MARCHF8: variants seen among roughly 807,000 people sequenced by gnomAD.
MARCHF8 encodes E3 ubiquitin-protein ligase MARCHF8.
Under a neutral mutation model 51.6 loss-of-function variants are expected in MARCHF8, and 40 were observed. The observed-to-expected ratio is 0.77, with a 90% CI of 0.60 to 1.01. The LOEUF (loss-of-function observed/expected upper bound fraction) is 1.01, where lower values mean the gene tolerates loss of function less well. Ranked by LOEUF, MARCHF8 falls within the 50% of genes least tolerant of loss-of-function variation. The pLI is 0.00. For missense variants in MARCHF8, 685 were observed against 708.6 expected, an observed-to-expected ratio of 0.97 and a Z score of 0.38; for synonymous variants, 263 against 280.3, an observed-to-expected ratio of 0.94 and a Z score of 0.62.
At chr10:45,522,613 C>T (rs1341131690) in intron 2 of MARCHF8, among the ~76,000 whole-genome samples, 1 of 152,128 alleles carries the variant, frequency 6.6e-6, no homozygotes, top group East Asian at 1.9e-4. Context: ...AACTCAAAAC[C>T]AAAGCCCTGA....
chr10:45,529,185 G>C (rs2043838636), intron 2 of MARCHF8, among the ~76,000 whole-genome samples: 1 of 152,110 alleles, frequency 6.6e-6, no homozygotes, highest in African/African-American at 2.4e-5. Context: ...CTTCTTCAAA[G>C]TCAACAAAAA....
At chr10:45,591,105 C>T (rs1052723931) in intron 1 of MARCHF8, among the ~76,000 whole-genome samples, 2 of 152,180 alleles carry the variant, frequency 1.3e-5, no homozygotes, top group Non-Finnish European at 2.9e-5. Flanking sequence ...AACTCCACCA[C>T]CTTATAGGTG....
chr10:45,560,553 T>C (rs1293131231), intron 1 of MARCHF8, among the ~76,000 whole-genome samples: 1 of 152,198 alleles, frequency 6.6e-6, no homozygotes, highest in African/African-American at 2.4e-5. Context: ...CAGTGCCAGC[T>C]TGTCAAGGCC....
At chr10:45,493,302 A>G (rs2043117965) in intron 2 of MARCHF8, among the ~76,000 whole-genome samples, 3 of 152,346 alleles carry the variant, frequency 2.0e-5, no homozygotes, top group South Asian at 2.1e-4. Context: ...TCAATGCCCA[A>G]GTAATAAAAA....
intron 1 of MARCHF8, among the ~76,000 whole-genome samples, chr10:45,554,871 G>A (rs1417646156): frequency 6.6e-6 from 1 of 151,954 alleles, no homozygotes; most frequent in African/African-American, 2.4e-5. Context: ...CCTGGCCGAT[G>A]TGATAAAACC....
intron 2 of MARCHF8, among the ~76,000 whole-genome samples, chr10:45,531,763 T>C (rs763661416): frequency 2.6e-5 from 4 of 152,208 alleles, no homozygotes; most frequent in Non-Finnish European, 5.9e-5. Flanking sequence ...TATTTGAGTC[T>C]AGGTAAAATG....
intron 2 of MARCHF8, among the ~76,000 whole-genome samples, chr10:45,517,399 T>A (rs931915537): frequency 6.6e-6 from 1 of 152,216 alleles, no homozygotes; most frequent in African/African-American, 2.4e-5. Context: ...GGAGGTCGAC[T>A]GGATCATGGG....
intron 3 of MARCHF8, among the ~76,000 whole-genome samples, chr10:45,470,500 G>A (rs1843137694): frequency 6.6e-6 from 1 of 152,160 alleles, no homozygotes; most frequent in Admixed American, 6.5e-5. Context: ...CATTGGGCCT[G>A]TATTTATAAC....
intron 2 of MARCHF8, among the ~76,000 whole-genome samples, chr10:45,498,430 T>C (rs1229411631): frequency 6.6e-6 from 1 of 152,232 alleles, no homozygotes; most frequent in Non-Finnish European, 1.5e-5. Context: ...ATTAGCTCAC[T>C]TCACTTGGCA....
At chr10:45,537,819 G>A (rs985635616), upstream of MARCHF8, among the ~76,000 whole-genome samples, 4 of 152,216 alleles carry the variant, frequency 2.6e-5, no homozygotes, top group Admixed American at 6.5e-5. Flanking sequence ...GTAAACGGGA[G>A]GAAGCAGTGG....
intron 6 of MARCHF8, 96 bp from the exon 7 acceptor site, chr10:45,459,363 C>A: frequency 6.7e-6 from 9 of 1,343,792 alleles, no homozygotes; most frequent in South Asian, 1.4e-5. Flanking sequence ...CTTTCCACCC[C>A]ACTTCTCCCT....
At chr10:45,537,560 G>C (rs1157353337), upstream of MARCHF8, among the ~76,000 whole-genome samples, 1 of 152,014 alleles carries the variant, frequency 6.6e-6, no homozygotes, top group Non-Finnish European at 1.5e-5. Context: ...GGCTGAGTTG[G>C]GAGGATCGCT....
intron 2 of MARCHF8, among the ~76,000 whole-genome samples, chr10:45,517,796 T>C (rs1198968222): frequency 6.6e-6 from 1 of 152,232 alleles, no homozygotes; most frequent in Non-Finnish European, 1.5e-5. Flanking sequence ...CTTGTATACC[T>C]TCATGAAAGT....
At chr10:45,487,217 G>A (rs777646464) in intron 3 of MARCHF8, among the ~76,000 whole-genome samples, 39 of 152,090 alleles carry the variant, frequency 2.6e-4, no homozygotes, top group Non-Finnish European at 4.3e-4. Context: ...CCCTTACAAA[G>A]CTCAAAATAC....
chr10:45,458,598 A>T (rs1047185327), intron 7 of MARCHF8, 55 bp from the exon 8 acceptor site: 3 of 1,485,190 alleles, frequency 2.0e-6, no homozygotes, highest in Non-Finnish European at 2.7e-6. Context: ...AAGTAAAGAA[A>T]AACACAACTT....
chr10:45,517,435 A>C (rs1241811731), intron 2 of MARCHF8, among the ~76,000 whole-genome samples: 1 of 152,132 alleles, frequency 6.6e-6, no homozygotes, highest in Non-Finnish European at 1.5e-5. Context: ...AATGGTTTTT[A>C]CCACCATCCC....
At chr10:45,543,445 A>G (rs2044079293) in intron 1 of MARCHF8, among the ~76,000 whole-genome samples, 1 of 152,214 alleles carries the variant, frequency 6.6e-6, no homozygotes, top group African/African-American at 2.4e-5. Context: ...TACCATTAAT[A>G]AAACTCAAGA....
At chr10:45,504,779 C>A (rs2043349713) in intron 2 of MARCHF8, among the ~76,000 whole-genome samples, 2 of 152,218 alleles carry the variant, frequency 1.3e-5, no homozygotes, top group Admixed American at 1.3e-4. Flanking sequence ...TGTCAAGATT[C>A]ATGTTCGCGT....
At chr10:45,486,886 T>C (rs2042989992) in intron 3 of MARCHF8, among the ~76,000 whole-genome samples, 1 of 148,392 alleles carries the variant, frequency 6.7e-6, no homozygotes. Context: ...CTTAGCTCAC[T>C]GCAACCTCCG....
Sources: allele counts gnomAD v4.1 joint callset (sites outside exome capture counted in the v4.1 genomes callset), GRCh38; gene constraint gnomAD v4.1.1; transcripts MANE v1.5; gene names NCBI Gene and HGNC (gene_info 2026-07-23, HGNC 2026-07-21).